Variants in GOLGA4 observed in about 807,000 individuals in gnomAD.
GOLGA4 encodes golgin subfamily A member 4.
In GOLGA4, 169 loss-of-function variants were observed where a neutral mutation model predicts 265.9. The observed-to-expected ratio is 0.64, with a 90% confidence interval of 0.56 to 0.72. GOLGA4 has a LOEUF of 0.72. Ranked by LOEUF, GOLGA4 falls within the 30% of genes least tolerant of loss-of-function variation. The probability of loss-of-function intolerance (pLI) is 0.00; values close to 1 mark genes in which losing one functional copy is unlikely to be tolerated. For synonymous variants in GOLGA4, 923 were observed against 855.8 expected, an observed-to-expected ratio of 1.08 and a Z score of -1.37; for missense variants, 2,482 against 2,483.4, an observed-to-expected ratio of 1.00 and a Z score of 0.01.
At chr3:37,354,850 A>C (rs2097086055) in intron 21 of GOLGA4, among the ~76,000 whole-genome samples, 1 of 152,178 alleles carries the variant, frequency 6.6e-6, no homozygotes, top group Admixed American at 6.6e-5. Flanking sequence ...CAAGAGCATT[A>C]GAATTTTATA....
At chr3:37,286,405 G>A (rs954968634) in intron 4 of GOLGA4, among the ~76,000 whole-genome samples, 7 of 150,544 alleles carry the variant, frequency 4.6e-5, no homozygotes, top group Non-Finnish European at 8.9e-5. Flanking sequence ...CACCCGCCTC[G>A]GCCTCCCAAA....
Position 37,296,096 on chromosome 3 carries a change from C to T in GOLGA4, c.691C>T (p.Leu231=). ...ISVLQTQVSL[L]KQRLRNGPMN... is the part of the protein sequence containing the mutation. ...AGCACATTTATATTAGGTTTCTCTACTGAAACAACGATTACGAAATGGCCC... is the reference window on the plus strand; with the variant it reads ...AGCACATTTATATTAGGTTTCTCTATTGAAACAACGATTACGAAATGGCCC... Residue 231 remains leucine, a synonymous_variant, in exon 7 of 24, where the codon CTG becomes TTG. Transcript: ENST00000361924. 2 of 1,613,622 alleles carry T rather than the reference C, an allele frequency of 1.2e-6. No individual in the cohort carries two copies.
intron 16 of GOLGA4, among the ~76,000 whole-genome samples, chr3:37,332,562 G>T (rs1396631842): frequency 3.3e-5 from 5 of 151,954 alleles, no homozygotes; most frequent in African/African-American, 1.2e-4. Context: ...TTTTTATTTA[G>T]AAAAATTTTG....
In GOLGA4 at chr3:37,294,983, T is replaced by G; in HGVS notation, c.587T>G (p.Leu196Arg). Reference sequence around the variant, plus strand: ...GTAAATCATTTTATGTTTTAGGAGCTCCAAATGGACCAGCAGGCAAAGAAA... The same window carrying G: ...GTAAATCATTTTATGTTTTAGGAGCGCCAAATGGACCAGCAGGCAAAGAAA... ...LRRIAELREE[L>R]QMDQQAKKHL... Residue 196 changes from leucine (L) to arginine (R), a missense_variant, in exon 6 of 24, where the codon CTC becomes CGC. By Grantham distance (102) the Leu-to-Arg change is moderately radical. This residue lies in a region of GOLGA4 where 1,536 missense variants were observed against 1,483.7 expected (regional missense o/e 1.04). Coordinates refer to ENST00000361924, the MANE Select transcript of GOLGA4 (RefSeq NM_002078.5). 6.3e-7 allele frequency: 1 copy of G among 1,592,992 alleles called. No individual in the cohort carries two copies. Among genetic ancestry groups the G allele is most frequent in the Non-Finnish European group, 8.5e-7 (1 of 1,169,692 alleles).
intron 19 of GOLGA4, among the ~76,000 whole-genome samples, chr3:37,338,740 C>A (rs1201660136): frequency 6.6e-6 from 1 of 152,166 alleles, no homozygotes; most frequent in Non-Finnish European, 1.5e-5. Context: ...CAGTCACTCC[C>A]CATTACCTCC....
rs746464325 is a variant in GOLGA4, at chr3:37,324,934, T to C, written c.3048T>C (p.Asp1016=). The C allele has an allele frequency of 6.2e-7, 1 of 1,612,854 alleles. No homozygotes were observed. Among genetic ancestry groups the C allele is most frequent in the South Asian group, 1.1e-5 (1 of 90,812 alleles). ...MAQANSAGIS[D]AVSRLETNQK... ...AGGCTAACTCAGCTGGAATCAGTGA[T>C]GCAGTGTCAAGACTGGAAACAAACC... Residue 1016 remains aspartate (D), a synonymous_variant, in exon 14 of 24, where the codon GAT becomes GAC. Coordinates refer to ENST00000361924, the MANE Select transcript of GOLGA4 (RefSeq NM_002078.5).
intron 21 of GOLGA4, among the ~76,000 whole-genome samples, chr3:37,348,452 A>G (rs907036838): frequency 3.3e-5 from 5 of 152,130 alleles, no homozygotes; most frequent in African/African-American, 1.2e-4. Flanking sequence ...GGTAGCTAAA[A>G]CTAATTTTCT....
chr3:37,360,633 C>A (rs1321543897), intron 22 of GOLGA4, among the ~76,000 whole-genome samples: 2 of 152,062 alleles, frequency 1.3e-5, no homozygotes, highest in African/African-American at 4.8e-5. Context: ...TAAAATGGGG[C>A]ATAGAATTTA....
At chr3:37,296,624 G>A (rs2096879109) in intron 7 of GOLGA4, among the ~76,000 whole-genome samples, 1 of 152,178 alleles carries the variant, frequency 6.6e-6, no homozygotes, top group Non-Finnish European at 1.5e-5. Flanking sequence ...AGGCTGGAGT[G>A]CAGTAGCATG....
intron 23 of GOLGA4, among the ~76,000 whole-genome samples, chr3:37,363,932 T>G (rs1289094498): frequency 6.6e-6 from 1 of 152,180 alleles, no homozygotes; most frequent in Non-Finnish European, 1.5e-5. Context: ...CCACAACAGA[T>G]CAAGCTACGG....
At chr3:37,362,673 C>A (rs1230668242) in intron 23 of GOLGA4, among the ~76,000 whole-genome samples, 1 of 151,450 alleles carries the variant, frequency 6.6e-6, no homozygotes, top group Admixed American at 6.6e-5. Flanking sequence ...ATAACTGGGA[C>A]TCTAAGGCAC....
chr3:37,278,204 C>CT (rs1260031511), intron 2 of GOLGA4, among the ~76,000 whole-genome samples: 4,373 of 142,540 alleles, frequency 0.031, 149 homozygotes, highest in African/African-American at 0.085. Flanking sequence ...ATTTTCTTTT[C>CT]TTTTTTTTTT....
At position 37,326,073 on chromosome 3, in the gene GOLGA4, T is replaced by C; in HGVS notation, c.4187T>C (p.Ile1396Thr). ...SISLSEKEAA[I>T]SSLRKQYDEE... ...AGCCTATCCGAAAAAGAAGCAGCCATTTCATCACTAAGAAAGCAGTATGAT... is the reference window on the plus strand; with the variant it reads ...AGCCTATCCGAAAAAGAAGCAGCCACTTCATCACTAAGAAAGCAGTATGAT... The change falls in exon 14 of 24, where the codon ATT becomes ACT. Residue 1396 changes from isoleucine (I) to threonine (T), a missense_variant. Ile to Thr is a moderately conservative substitution (Grantham distance 89). This residue lies in a region of GOLGA4 where 942 missense variants were observed against 983.1 expected (regional missense o/e 0.96). Transcript: ENST00000361924. 1 of 1,613,276 alleles carries C rather than the reference T, an allele frequency of 6.2e-7. No individual in the cohort carries two copies. The highest frequency in any genetic ancestry group is 8.5e-7 in the Non-Finnish European group (1 of 1,179,282).
At chr3:37,255,354 A>T (rs1480760606) in intron 2 of GOLGA4, among the ~76,000 whole-genome samples, 1 of 151,846 alleles carries the variant, frequency 6.6e-6, no homozygotes, top group Non-Finnish European at 1.5e-5. Context: ...GTAGAGACAG[A>T]GTTTCACCAT....
Position 37,335,173 on chromosome 3 carries a change from G to A in GOLGA4, c.6306+7G>A, listed in dbSNP as rs573730353. ...GAACCCTGGCAATGATAATGTGAGA[G>A]GAGTTTGAGTTTGCTGCACATGTTT... On this transcript the variant is annotated splice_region_variant and intron_variant, in intron 17 of 23. Transcript: ENST00000361924. The A allele has an allele frequency of 1.0e-5, 15 of 1,457,278 alleles. No individual in the cohort carries two copies. The South Asian group carries it at 1.6e-4, about 16-fold the overall frequency. 90.3% of individuals were successfully genotyped at this position (1,457,278 alleles called of 1,614,324 possible). A position where few individuals can be genotyped will look rare whatever the true frequency, so the allele number is the denominator to read the frequency against.
Position 37,279,712 on chromosome 3 carries a change from GC to G in GOLGA4, c.163-2244del, listed in dbSNP as rs1431230508. Among the ~76,000 whole-genome samples the G allele has an allele frequency of 2.0e-5, 3 of 152,236 alleles. No individual in the cohort carries two copies. The East Asian group carries it at 5.8e-4, about 29-fold the overall frequency. On this transcript the variant is annotated intron_variant, in intron 2 of 23. Coordinates refer to ENST00000361924, the MANE Select transcript of GOLGA4 (RefSeq NM_002078.5). ...ACCTGAGGTCAGGAGTTCGAGACCAGCCGGGCCAACGTGGTGAAATCTCCTC... is the reference window on the plus strand; with the variant it reads ...ACCTGAGGTCAGGAGTTCGAGACCAGCGGGCCAACGTGGTGAAATCTCCTC...
At chr3:37,245,039 G>A (rs1006376334) in intron 1 of GOLGA4, among the ~76,000 whole-genome samples, 2 of 152,142 alleles carry the variant, frequency 1.3e-5, no homozygotes, top group African/African-American at 4.8e-5. Flanking sequence ...GAAAATTTAG[G>A]TTGTATTAAA....
chr3:37,286,422 G>A (rs987536085), intron 4 of GOLGA4, among the ~76,000 whole-genome samples: 10 of 151,862 alleles, frequency 6.6e-5, no homozygotes, highest in African/African-American at 1.5e-4. Flanking sequence ...CAAAGTGCTG[G>A]GATTACAGGC....
At chr3:37,266,890 A>C in intron 2 of GOLGA4, 1 of 1,288,866 alleles carries the variant, frequency 7.8e-7, no homozygotes, top group Non-Finnish European at 1.0e-6. Context: ...TGAGTATACT[A>C]TCTTTGCTTT....
Sources: allele counts gnomAD v4.1 joint callset (sites outside exome capture counted in the v4.1 genomes callset), GRCh38; gene constraint gnomAD v4.1.1; regional missense constraint gnomAD v4.1.1; transcripts MANE v1.5; gene names NCBI Gene and HGNC (gene_info 2026-07-23, HGNC 2026-07-21).